DLG2: variants seen among roughly 807,000 people sequenced by gnomAD.
The protein encoded by DLG2 is discs large MAGUK scaffold protein 2.
Under a neutral mutation model 132.5 loss-of-function variants are expected in DLG2, and 45 were observed. The ratio of observed to expected loss-of-function variants is 0.34; its 90% confidence interval spans 0.27 to 0.44. DLG2 has a LOEUF of 0.44. Ranked by LOEUF, DLG2 falls within the 20% of genes least tolerant of loss-of-function variation. The probability of loss-of-function intolerance (pLI) is 1.00; values close to 1 mark genes in which losing one functional copy is unlikely to be tolerated. For synonymous variants in DLG2, 424 were observed against 419.6 expected (o/e 1.01, Z -0.13); for missense variants, 1,045 against 1,196.9 (o/e 0.87, Z 1.87).
At chr11:83,653,286 C>T (rs187144501) in intron 18 of DLG2, among the ~76,000 whole-genome samples, 1 of 152,328 alleles carries the variant, frequency 6.6e-6, no homozygotes, top group African/African-American at 2.4e-5. Context: ...TGCAGTGAAT[C>T]TCCCTTGCTG....
At chr11:83,809,186 C>T (rs1029978624) in intron 17 of DLG2, among the ~76,000 whole-genome samples, 7 of 152,116 alleles carry the variant, frequency 4.6e-5, no homozygotes, top group Non-Finnish European at 1.0e-4. Flanking sequence ...CTGTGAAAGT[C>T]TCATAATTAG....
At chr11:84,146,261 A>AC (rs5793108) in intron 9 of DLG2, among the ~76,000 whole-genome samples, 113,860 of 152,100 alleles carry the variant, frequency 0.75, 43,480 homozygotes, top group Middle Eastern at 0.87. Flanking sequence ...TTATCATCTT[A>AC]CTCCATGGTG....
chr11:84,103,113 T>C (rs1477433875), intron 9 of DLG2, among the ~76,000 whole-genome samples: 1 of 152,266 alleles, frequency 6.6e-6, no homozygotes, highest in Non-Finnish European at 1.5e-5. Flanking sequence ...CCAGTCATCA[T>C]GGTTCTTTAC....
At chr11:84,011,731 C>G (rs955587409) in intron 11 of DLG2, among the ~76,000 whole-genome samples, 2 of 152,002 alleles carry the variant, frequency 1.3e-5, no homozygotes, top group Non-Finnish European at 2.9e-5. Context: ...AGAAATGAAA[C>G]AATGAATGTG....
chr11:84,889,674 T>C (rs2088986216), intron 6 of DLG2, among the ~76,000 whole-genome samples: 1 of 152,206 alleles, frequency 6.6e-6, no homozygotes, highest in African/African-American at 2.4e-5. Flanking sequence ...AATTCAGAGA[T>C]AATTATTATC....
chr11:84,868,004 G>A (rs1045453755), intron 6 of DLG2, among the ~76,000 whole-genome samples: 5 of 151,748 alleles, frequency 3.3e-5, no homozygotes, highest in Admixed American at 6.6e-5. Context: ...AACCCGGGCG[G>A]CGGAGCTTGC....
intron 10 of DLG2, among the ~76,000 whole-genome samples, chr11:84,081,325 A>G (rs998554354): frequency 6.6e-6 from 1 of 152,162 alleles, no homozygotes; most frequent in Non-Finnish European, 1.5e-5. Flanking sequence ...AATAATACTG[A>G]TATTGAGTGT....
At chr11:84,906,112 T>G (rs1566342102) in intron 6 of DLG2, among the ~76,000 whole-genome samples, 1 of 152,072 alleles carries the variant, frequency 6.6e-6, no homozygotes, top group African/African-American at 2.4e-5. Flanking sequence ...AAATATAATT[T>G]TAAATATTTA....
Position 85,563,070 on chromosome 11 carries a change from C to T in DLG2, c.40+35587G>A, listed in dbSNP as rs927962854. ...AGCACCTGTTGTGGGTATTAAAAGG[C>T]TGTATGCCATAATGGAAAGAGGACA... On this transcript the variant is annotated intron_variant, in intron 3 of 27. Coordinates refer to ENST00000376104, the MANE Select transcript of DLG2 (RefSeq NM_001142699.3). Among the ~76,000 whole-genome samples, 3 of 151,750 alleles carry T rather than the reference C, an allele frequency of 2.0e-5. No individual in the cohort carries two copies. The South Asian group carries it at 6.3e-4, about 32-fold the overall frequency.
intron 10 of DLG2, among the ~76,000 whole-genome samples, chr11:84,093,658 A>C (rs900882785): frequency 6.6e-6 from 1 of 151,970 alleles, no homozygotes; most frequent in Non-Finnish European, 1.5e-5. Flanking sequence ...TCTGTTGCCC[A>C]GGCTGGAGTG....
At chr11:84,351,860 T>A (rs2098576066) in intron 7 of DLG2, among the ~76,000 whole-genome samples, 1 of 152,314 alleles carries the variant, frequency 6.6e-6, no homozygotes, top group East Asian at 1.9e-4. Flanking sequence ...CTATGCTCCA[T>A]ATATAAATCC....
intron 7 of DLG2, among the ~76,000 whole-genome samples, chr11:84,442,999 A>AT (rs1157767823): frequency 6.6e-6 from 1 of 152,178 alleles, no homozygotes; most frequent in Non-Finnish European, 1.5e-5. Context: ...CCGGCTGCAG[A>AT]TGGATATATT....
intron 6 of DLG2, among the ~76,000 whole-genome samples, chr11:84,985,890 G>C (rs2154122291): frequency 6.6e-6 from 1 of 151,244 alleles, no homozygotes; most frequent in East Asian, 2.0e-4. Flanking sequence ...TGCTCAGGAG[G>C]GTGGGGCAGG....
intron 3 of DLG2, among the ~76,000 whole-genome samples, chr11:85,586,672 T>C (rs1186594088): frequency 1.3e-5 from 2 of 152,210 alleles, no homozygotes; most frequent in Non-Finnish European, 2.9e-5. Context: ...CATTTCTCTT[T>C]TGTATTTTTT....
intron 7 of DLG2, among the ~76,000 whole-genome samples, chr11:84,414,097 T>A (rs976149065): frequency 2.6e-5 from 4 of 152,214 alleles, no homozygotes; most frequent in African/African-American, 9.6e-5. Flanking sequence ...ATCTATAAGA[T>A]AGATCATGCT....
At chr11:85,509,428 C>A (rs192202369) in intron 3 of DLG2, among the ~76,000 whole-genome samples, 4 of 152,100 alleles carry the variant, frequency 2.6e-5, no homozygotes, top group African/African-American at 7.2e-5. Flanking sequence ...CTACACAGTA[C>A]AAGGCACATT....
At chr11:83,582,292 C>T (rs1194096438) in intron 19 of DLG2, among the ~76,000 whole-genome samples, 1 of 152,120 alleles carries the variant, frequency 6.6e-6, no homozygotes, top group Non-Finnish European at 1.5e-5. Flanking sequence ...ACAGGAATTA[C>T]TGCCCCTGGT....
intron 3 of DLG2, among the ~76,000 whole-genome samples, chr11:85,503,944 G>T (rs115185641): frequency 0.015 from 2,263 of 151,810 alleles, 52 homozygotes; most frequent in African/African-American, 0.05. Context: ...GAAGGAGGAG[G>T]AGGAGGAGGA....
intron 5 of DLG2, among the ~76,000 whole-genome samples, chr11:85,123,710 C>T (rs537737961): frequency 2.6e-5 from 4 of 152,216 alleles, no homozygotes; most frequent in East Asian, 3.9e-4. Flanking sequence ...CTCTCAAACC[C>T]GTTTCTCATA....
Sources: allele counts gnomAD v4.1 joint callset (sites outside exome capture counted in the v4.1 genomes callset), GRCh38; gene constraint gnomAD v4.1.1; transcripts MANE v1.5; gene names NCBI Gene and HGNC (gene_info 2026-07-23, HGNC 2026-07-21).